The following INPP4B variants were observed in gnomAD, a reference collection of about 807,000 sequenced individuals.
INPP4B encodes inositol polyphosphate-4-phosphatase type II B.
In INPP4B, 55 loss-of-function variants were observed where a neutral mutation model predicts 122.5. That is an observed-to-expected ratio of 0.45 (90% CI 0.36 to 0.56). The LOEUF is 0.56. INPP4B is among the 20% of genes least tolerant of loss of function. INPP4B has a pLI of 0.00. For missense variants in INPP4B, 1,000 were observed against 1,097.7 expected, an observed-to-expected ratio of 0.91 and a Z score of 1.26; for synonymous variants, 403 against 388.7, an observed-to-expected ratio of 1.04 and a Z score of -0.43.
At chr4:142,371,640 T>C (rs1209524031) in intron 7 of INPP4B, among the ~76,000 whole-genome samples, 2 of 151,932 alleles carry the variant, frequency 1.3e-5, no homozygotes, top group Non-Finnish European at 2.9e-5. Context: ...TGAGTAGACA[T>C]TTCTCAAAAG....
At chr4:142,190,978 T>C (rs1414324752) in intron 15 of INPP4B, among the ~76,000 whole-genome samples, 1 of 151,964 alleles carries the variant, frequency 6.6e-6, no homozygotes, top group African/African-American at 2.4e-5. Flanking sequence ...CAGTTTTGAG[T>C]CTTCTAATTG....
intron 12 of INPP4B, among the ~76,000 whole-genome samples, chr4:142,227,237 C>T (rs550045357): frequency 4.7e-4 from 72 of 152,198 alleles, no homozygotes; most frequent in African/African-American, 1.2e-3. Context: ...TCTGGAGACA[C>T]AGAAGGCATA....
intron 1 of INPP4B, among the ~76,000 whole-genome samples, chr4:142,797,606 T>C (rs1306624732): frequency 1.3e-5 from 2 of 151,884 alleles, no homozygotes; most frequent in African/African-American, 4.8e-5. Flanking sequence ...CAAATTTTCA[T>C]GACATTTTAT....
At chr4:142,546,625 T>C (rs1829678173) in intron 2 of INPP4B, among the ~76,000 whole-genome samples, 1 of 152,176 alleles carries the variant, frequency 6.6e-6, no homozygotes, top group African/African-American at 2.4e-5. Flanking sequence ...TCAAGCCTGA[T>C]AGTGAAAGTG....
At chr4:142,048,569 T>C (rs1244080418) in intron 25 of INPP4B, among the ~76,000 whole-genome samples, 1 of 151,872 alleles carries the variant, frequency 6.6e-6, no homozygotes, top group Non-Finnish European at 1.5e-5. Flanking sequence ...GTTTGTGTGT[T>C]ACATGTTTGC....
chr4:142,307,700 T>C (rs926776835), intron 8 of INPP4B, among the ~76,000 whole-genome samples: 3 of 152,228 alleles, frequency 2.0e-5, no homozygotes, highest in Non-Finnish European at 4.4e-5. Context: ...GAGATGTCGA[T>C]CTTACTTTCT....
intron 2 of INPP4B, among the ~76,000 whole-genome samples, chr4:142,494,556 T>C (rs967135747): frequency 6.6e-6 from 1 of 151,588 alleles, no homozygotes; most frequent in Non-Finnish European, 1.5e-5. Context: ...AAAATGTTTC[T>C]ATTTTACTCT....
chr4:142,643,725 T>G (rs1751073233), intron 2 of INPP4B, among the ~76,000 whole-genome samples: 1 of 152,218 alleles, frequency 6.6e-6, no homozygotes, highest in African/African-American at 2.4e-5. Context: ...ATGAAAATAC[T>G]TAATAGCTAA....
At chr4:142,544,706 G>C (rs1482484182) in intron 2 of INPP4B, among the ~76,000 whole-genome samples, 1 of 152,084 alleles carries the variant, frequency 6.6e-6, no homozygotes, top group African/African-American at 2.4e-5. Flanking sequence ...GACAGGGCAG[G>C]CTGACCATAC....
At chr4:142,185,540 A>G (rs1832784596) in intron 15 of INPP4B, among the ~76,000 whole-genome samples, 1 of 152,000 alleles carries the variant, frequency 6.6e-6, no homozygotes, top group Non-Finnish European at 1.5e-5. Context: ...TACTTCTAAA[A>G]TTTAACTACC....
At chr4:142,261,381 C>G (rs1329473470) in intron 10 of INPP4B, among the ~76,000 whole-genome samples, 2 of 152,072 alleles carry the variant, frequency 1.3e-5, no homozygotes, top group Non-Finnish European at 2.9e-5. Context: ...TTCCTTTTAT[C>G]TTTAGAAAAA....
chr4:142,787,579 A>G (rs1398448748), intron 1 of INPP4B, among the ~76,000 whole-genome samples: 4 of 152,126 alleles, frequency 2.6e-5, no homozygotes, highest in Admixed American at 2.6e-4. Flanking sequence ...TTTCATTCAT[A>G]TTCATATTAC....
rs536853459 is a variant in INPP4B at position 142,720,939 on chromosome 4, C to T, written c.-191+4900G>A. 4.3e-4 allele frequency among the ~76,000 whole-genome samples: 59 copies of T among 137,048 alleles called. No homozygotes were observed. In the South Asian group the frequency reaches 0.013, roughly 30 times the overall value. 89.9% of individuals were successfully genotyped at this position (137,048 alleles called of 152,430 possible). ...GTGTGTGTGTGTGTATGATTTTCAG[C>T]ATCATATATATAGAGAGAGAGAAAG... On this transcript the variant is annotated intron_variant, in intron 2 of 25. Transcript: ENST00000262992.
rs546720267 is a variant in INPP4B at position 142,702,725 on chromosome 4, C to T, written c.-191+23114G>A. ...AGCCTGAGCAACAAAATTAAAACTCCGTCTCAAAAAAAAAAAAAAAAAAAA... is the reference window on the plus strand; with the variant it reads ...AGCCTGAGCAACAAAATTAAAACTCTGTCTCAAAAAAAAAAAAAAAAAAAA... On this transcript the variant is annotated intron_variant, in intron 2 of 25. Coordinates refer to ENST00000262992, the MANE Select transcript of INPP4B (RefSeq NM_001101669.3). Among the ~76,000 whole-genome samples, 4 of 119,744 alleles carry T rather than the reference C, an allele frequency of 3.3e-5. No homozygotes were observed. In the Admixed American group the frequency reaches 3.4e-4, roughly 10 times the overall value. The allele number at this position is 119,744 out of a possible 152,430, so 78.6% of individuals were successfully genotyped here.
chr4:142,408,271 G>GT, intron 5 of INPP4B, among the ~76,000 whole-genome samples: 1 of 142,792 alleles, frequency 7.0e-6, no homozygotes, highest in East Asian at 2.1e-4. Flanking sequence ...AAAAAAAAAA[G>GT]TGAATGGGTG....
At chr4:142,359,062 G>T (rs192973832) in intron 7 of INPP4B, among the ~76,000 whole-genome samples, 1 of 151,970 alleles carries the variant, frequency 6.6e-6, no homozygotes, top group African/African-American at 2.4e-5. Flanking sequence ...ATCAGGAAAT[G>T]ATCCCAGCCT....
chr4:142,830,927 T>A (rs1581014837), intron 1 of INPP4B, among the ~76,000 whole-genome samples: 1 of 144,074 alleles, frequency 6.9e-6, no homozygotes, highest in Admixed American at 7.0e-5. Context: ...GAGGCTGAGG[T>A]GGGAGGATCA....
chr4:142,770,722 G>A (rs890883443), intron 1 of INPP4B, among the ~76,000 whole-genome samples: 1 of 152,098 alleles, frequency 6.6e-6, no homozygotes, highest in East Asian at 1.9e-4. Flanking sequence ...CAGAATTAAA[G>A]AGAAAACACA....
chr4:142,106,400 C>T lies in INPP4B; in HGVS notation c.2374+1693G>A, dbSNP rs558746522. On this transcript the variant is annotated intron_variant, in intron 23 of 25. Coordinates refer to ENST00000262992, the MANE Select transcript of INPP4B (RefSeq NM_001101669.3). ...CTCAAGCCATACTCCCACCCCTCAG[C>T]GTCCTGAGTAGCTGGGATCACAGAC... 2.6e-4 allele frequency among the ~76,000 whole-genome samples: 39 copies of T among 152,258 alleles called. 1 individual carries two copies. In the South Asian group the frequency reaches 7.5e-3, roughly 29 times the overall value.
Sources: allele counts gnomAD v4.1 joint callset (sites outside exome capture counted in the v4.1 genomes callset), GRCh38; gene constraint gnomAD v4.1.1; transcripts MANE v1.5; gene names NCBI Gene and HGNC (gene_info 2026-07-23, HGNC 2026-07-21).